COL5A2: variants seen among roughly 807,000 people sequenced by gnomAD.
COL5A2 encodes the protein collagen alpha-2(V) chain.
A neutral mutation model predicts 208.2 loss-of-function variants in COL5A2; 23 were observed. The ratio of observed to expected loss-of-function variants is 0.11; its 90% CI spans 0.08 to 0.16. COL5A2 has a LOEUF of 0.16. COL5A2 is among the 10% of genes least tolerant of loss of function. The pLI is 1.00. For missense variants in COL5A2, 1,590 were observed against 1,956.4 expected (o/e 0.81, Z 3.53); for synonymous variants, 625 against 628.5 (o/e 0.99, Z 0.08).
chr2:189,321,324 T>C, the COL5A2 span, among the ~76,000 whole-genome samples: 1 of 152,212 alleles, frequency 6.6e-6, no homozygotes, highest in South Asian at 2.1e-4. Flanking sequence ...CAATATTAAC[T>C]GTAAATGTAA....
chr2:189,320,298 A>G, the COL5A2 span, among the ~76,000 whole-genome samples: 1 of 152,220 alleles, frequency 6.6e-6, no homozygotes, highest in African/African-American at 2.4e-5. Context: ...CACCAGCAAC[A>G]GAACAAAGCT....
intron 7 of COL5A2, among the ~76,000 whole-genome samples, chr2:189,091,186 A>C (rs192917530): frequency 2.6e-5 from 4 of 152,308 alleles, no homozygotes; most frequent in Admixed American, 2.6e-4. Context: ...AAGTAATTGC[A>C]GATATGATGG....
intron 52 of COL5A2, 82 bp from the exon 53 acceptor site, chr2:189,035,237 T>C (rs1685421044): frequency 6.5e-7 from 1 of 1,549,070 alleles, no homozygotes; most frequent in Non-Finnish European, 8.8e-7. Flanking sequence ...AATATATAAA[T>C]TGATTTCAGA....
the COL5A2 span, among the ~76,000 whole-genome samples, chr2:189,420,105 AAGGG>A: frequency 1.3e-4 from 18 of 136,248 alleles, no homozygotes; most frequent in South Asian, 2.7e-4. Context: ...GGAAGGAAGG[AAGGG>A]AGGGAGGAAA....
chr2:189,060,633 T>G lies in COL5A2; in HGVS notation c.2085+97A>C, dbSNP rs1320054523. On this transcript the variant is annotated intron_variant, in intron 31 of 53. Transcript: ENST00000374866. ...CTGCTTTGAGAACTCAAAGAGATAA[T>G]GTATGTAAAGGAAAGCACAACAGAG... 1.7e-5 allele frequency: 17 copies of G among 1,004,236 alleles called. No homozygotes were observed. In the South Asian group the frequency reaches 2.1e-4, roughly 12 times the overall value. The allele number at this position is 1,004,236 out of a possible 1,614,324, so 62.2% of individuals were successfully genotyped here.
chr2:189,134,872 C>T (rs916235856), intron 1 of COL5A2, among the ~76,000 whole-genome samples: 3 of 152,126 alleles, frequency 2.0e-5, no homozygotes, highest in African/African-American at 4.8e-5. Context: ...CTTCTAATCC[C>T]AATTAATTTT....
chr2:189,266,818 G>C, the COL5A2 span, among the ~76,000 whole-genome samples: 1 of 151,990 alleles, frequency 6.6e-6, no homozygotes, highest in Non-Finnish European at 1.5e-5. Flanking sequence ...TTAAAATACT[G>C]CTCAAAAGCA....
At chr2:189,332,909 C>A in the COL5A2 span, among the ~76,000 whole-genome samples, 1 of 152,110 alleles carries the variant, frequency 6.6e-6, no homozygotes, top group African/African-American at 2.4e-5. Context: ...ATTAAATCTA[C>A]AATTAATGTA....
the COL5A2 span, among the ~76,000 whole-genome samples, chr2:189,310,651 A>G: frequency 6.6e-6 from 1 of 152,192 alleles, no homozygotes; most frequent in Non-Finnish European, 1.5e-5. Context: ...ACTGTTCACA[A>G]CAAGATTTGG....
At chr2:189,167,472 A>AT (rs1688488050) in intron 1 of COL5A2, among the ~76,000 whole-genome samples, 1 of 152,182 alleles carries the variant, frequency 6.6e-6, no homozygotes, top group Non-Finnish European at 1.5e-5. Flanking sequence ...TAAGTACTGT[A>AT]TAAGGAAATA....
the COL5A2 span, among the ~76,000 whole-genome samples, chr2:189,435,671 GA>G: frequency 1.3e-5 from 2 of 152,146 alleles, no homozygotes; most frequent in African/African-American, 2.4e-5. Context: ...AAAAAGTCAG[GA>G]AACAACAGGT....
intron 1 of COL5A2, among the ~76,000 whole-genome samples, chr2:189,113,549 T>A (rs113368280): frequency 3.3e-5 from 5 of 149,774 alleles, no homozygotes; most frequent in African/African-American, 1.2e-4. Context: ...TATGTATGTT[T>A]TATATATATA....
At chr2:189,339,242 T>G in the COL5A2 span, among the ~76,000 whole-genome samples, 10 of 151,472 alleles carry the variant, frequency 6.6e-5, no homozygotes, top group African/African-American at 2.4e-4. Flanking sequence ...TCCCAGCTAC[T>G]CAGGAGGCTG....
At chr2:189,156,559 G>C (rs927769704) in intron 1 of COL5A2, among the ~76,000 whole-genome samples, 4 of 152,122 alleles carry the variant, frequency 2.6e-5, no homozygotes, top group Non-Finnish European at 5.9e-5. Flanking sequence ...AATTTTAAAA[G>C]AGTCTGGCTA....
the COL5A2 span, among the ~76,000 whole-genome samples, chr2:189,367,504 G>A: frequency 2.4e-3 from 365 of 152,250 alleles, 2 homozygotes; most frequent in Admixed American, 6.3e-3. Flanking sequence ...GCCTTTATAT[G>A]GCCAGTGCTG....
At chr2:189,343,931 A>G in the COL5A2 span, among the ~76,000 whole-genome samples, 2 of 152,166 alleles carry the variant, frequency 1.3e-5, no homozygotes, top group Non-Finnish European at 2.9e-5. Context: ...AACTCCAAAG[A>G]CATTTCTATT....
the COL5A2 span, among the ~76,000 whole-genome samples, chr2:189,360,940 G>C: frequency 6.6e-6 from 1 of 151,432 alleles, no homozygotes; most frequent in Admixed American, 6.6e-5. Context: ...CCCTGCAAAG[G>C]ACATGATCTC....
At chr2:189,212,176 C>A (rs1207066770) in intron 1 of COL5A2, among the ~76,000 whole-genome samples, 1 of 152,196 alleles carries the variant, frequency 6.6e-6, no homozygotes. Flanking sequence ...TCTACATAGA[C>A]AACGTGGCCT....
the COL5A2 span, among the ~76,000 whole-genome samples, chr2:189,328,659 A>G: frequency 6.6e-6 from 1 of 152,246 alleles, no homozygotes; most frequent in Non-Finnish European, 1.5e-5. Flanking sequence ...AGACATGTGG[A>G]ATACATGCAT....
Sources: allele counts gnomAD v4.1 joint callset (sites outside exome capture counted in the v4.1 genomes callset), GRCh38; gene constraint gnomAD v4.1.1; transcripts MANE v1.5; gene names NCBI Gene and HGNC (gene_info 2026-07-23, HGNC 2026-07-21).